Variants in TET3 observed in about 807,000 individuals in gnomAD.
TET3 encodes tet methylcytosine dioxygenase 3.
A neutral mutation model predicts 141.4 loss-of-function variants in TET3; 19 were observed. That is an observed-to-expected ratio of 0.13 (90% CI 0.09 to 0.20). The LOEUF is 0.20. Among genes scored for constraint, TET3 ranks in the 10% least tolerant of loss-of-function variants. The probability of loss-of-function intolerance (pLI) is 1.00; values close to 1 mark genes in which losing one functional copy is unlikely to be tolerated. For missense variants in TET3, 1,874 were observed against 2,356.9 expected, an observed-to-expected ratio of 0.80 and a Z score of 4.24; for synonymous variants, 1,043 against 980.9, an observed-to-expected ratio of 1.06 and a Z score of -1.18.
the TET3 span, among the ~76,000 whole-genome samples, chr2:74,126,735 C>T: frequency 2.6e-5 from 4 of 152,042 alleles, no homozygotes; most frequent in African/African-American, 9.7e-5. Context: ...AATCTCCTGA[C>T]CTCATGATCC....
chr2:74,090,859 G>T (rs1403250757), intron 8 of TET3, among the ~76,000 whole-genome samples: 5 of 152,204 alleles, frequency 3.3e-5, no homozygotes, highest in African/African-American at 1.2e-4. Context: ...TTCTGCCTGG[G>T]CTCCTGAGCG....
chr2:74,114,612 G>A, the TET3 span, among the ~76,000 whole-genome samples: 4 of 151,946 alleles, frequency 2.6e-5, no homozygotes, highest in African/African-American at 7.3e-5. Context: ...AGCACTCTGG[G>A]AGACCGAGGC....
At chr2:74,043,218 A>T (rs1434897891) in intron 3 of TET3, among the ~76,000 whole-genome samples, 1 of 152,210 alleles carries the variant, frequency 6.6e-6, no homozygotes, top group Non-Finnish European at 1.5e-5. Context: ...CTTGTTAGCC[A>T]CATTAGTTTA....
chr2:74,068,851 T>G (rs1418909367), intron 4 of TET3, among the ~76,000 whole-genome samples: 2 of 152,238 alleles, frequency 1.3e-5, no homozygotes, highest in Non-Finnish European at 1.5e-5. Context: ...GTATCTTTTT[T>G]TCATTTTCCT....
the TET3 span, among the ~76,000 whole-genome samples, chr2:74,117,781 T>G: frequency 6.6e-6 from 1 of 152,194 alleles, no homozygotes; most frequent in African/African-American, 2.4e-5. Context: ...AGTCATGCCC[T>G]GTCGCCCAGG....
intron 11 of TET3, among the ~76,000 whole-genome samples, 163 bp downstream of exon 11, chr2:74,099,775 C>T (rs9309479): frequency 0.55 from 83,772 of 152,048 alleles, 26,319 homozygotes; most frequent in African/African-American, 0.86. Flanking sequence ...GATAGGAGGC[C>T]GTGGGGATGC....
chr2:74,088,879 G>A (rs1248041237), intron 7 of TET3, among the ~76,000 whole-genome samples: 1 of 152,000 alleles, frequency 6.6e-6, no homozygotes, highest in African/African-American at 2.4e-5. Flanking sequence ...CCAGGAATTC[G>A]AGACGAGCCT....
Position 74,047,600 on chromosome 2 carries a change from C to T in TET3, c.1683C>T (p.Pro561=), listed in dbSNP as rs762840781. The part of the protein sequence containing the change: ...PSEPSAPGWW[P]PPSSPVPRLP... ...AGCCTTCTGCTCCTGGCTGGTGGCC[C>T]CCACCAAGTTCACCTGTCCCACGGC... The change falls in exon 4 of 12, where the codon CCC becomes CCT. Residue 561 remains proline, a synonymous_variant. Coordinates refer to ENST00000409262, the MANE Select transcript of TET3 (RefSeq NM_001287491.2). The T allele has an allele frequency of 1.9e-6, 3 of 1,613,726 alleles. No individual in the cohort carries two copies. The highest frequency in any genetic ancestry group is 2.2e-5 in the East Asian group (1 of 44,892).
Position 74,087,788 on chromosome 2 carries a change from C to T in TET3, c.2680-42C>T, listed in dbSNP as rs374315531. Reference sequence around the variant, plus strand: ...AGGGGTGGCACCATGCAGAGGAGCACGGGTACCTGGCTCCTGCCCCTCACA... The same window carrying T: ...AGGGGTGGCACCATGCAGAGGAGCATGGGTACCTGGCTCCTGCCCCTCACA... On this transcript the variant is annotated intron_variant, in intron 6 of 11. Coordinates refer to ENST00000409262, the MANE Select transcript of TET3 (RefSeq NM_001287491.2). The surrounding 1 kb of genome is among the most constrained non-coding windows in gnomAD (Gnocchi z 4.3). The T allele has an allele frequency of 3.2e-5, 48 of 1,509,038 alleles. No homozygotes were observed. The highest frequency in any genetic ancestry group is 1.9e-4 in the Middle Eastern group (1 of 5,140). The allele number at this position is 1,509,038 out of a possible 1,614,324, so 93.5% of individuals were successfully genotyped here.
At chr2:74,079,698 A>G (rs1012855212) in intron 5 of TET3, among the ~76,000 whole-genome samples, 2 of 152,152 alleles carry the variant, frequency 1.3e-5, no homozygotes, top group African/African-American at 4.8e-5. Flanking sequence ...GAAGTTTAGT[A>G]ATTTGGCCAC....
In TET3 at chr2:74,093,758, G is replaced by GA. The variant is rs1449180254; in HGVS notation, c.3267+93dup. ...TTCAGAAAGGCAGGCTGAGGGTAGGGAGGGACCTGGAGACAGGATCCTCAG... is the reference window on the plus strand; with the variant it reads ...TTCAGAAAGGCAGGCTGAGGGTAGGGAAGGGACCTGGAGACAGGATCCTCAG... On this transcript the variant is annotated intron_variant, in intron 10 of 11. Transcript: ENST00000409262. This position sits in a 1 kb window ranked among gnomAD's most constrained non-coding sequence, Gnocchi z 4.2. 1.4e-6 allele frequency: 2 copies of GA among 1,406,706 alleles called. No individual in the cohort carries two copies. The highest frequency in any genetic ancestry group is 2.5e-5 in the East Asian group (1 of 39,232). The allele number at this position is 1,406,706 out of a possible 1,614,324, so 87.1% of individuals were successfully genotyped here.
intron 3 of TET3, among the ~76,000 whole-genome samples, chr2:74,004,604 C>T (rs1052169472): frequency 9.9e-5 from 15 of 152,136 alleles, no homozygotes; most frequent in African/African-American, 3.4e-4. Flanking sequence ...TCGGCTTCCC[C>T]GTCTAGCGGG....
intron 5 of TET3, among the ~76,000 whole-genome samples, chr2:74,076,546 C>T (rs1689525347): frequency 6.9e-6 from 1 of 145,946 alleles, no homozygotes; most frequent in Admixed American, 7.1e-5. Context: ...CAAGATATTC[C>T]AGGCTTGTCT....
In TET3 at chr2:74,106,367, T is replaced by C. The variant is rs1157196056; in HGVS notation, c.*4191T>C. On this transcript the variant is annotated 3_prime_UTR_variant, in exon 12 of 12. Coordinates refer to ENST00000409262, the MANE Select transcript of TET3 (RefSeq NM_001287491.2). The stretch of plus-strand genomic sequence containing the variant: ...TTGTTTTTGAGGAAGGGGAGTTGGG[T>C]ACTTCTGCCTCTCCTAGCATGATAG... 6.5e-6 allele frequency: 1 copy of C among 153,566 alleles called. No homozygotes were observed. Among genetic ancestry groups the C allele is most frequent in the Non-Finnish European group, 1.5e-5 (1 of 68,064 alleles). 9.5% of individuals were successfully genotyped at this position (153,566 alleles called of 1,614,324 possible).
intron 2 of TET3, among the ~76,000 whole-genome samples, chr2:74,001,248 C>A (rs548098347): frequency 1.3e-5 from 2 of 152,176 alleles, no homozygotes; most frequent in African/African-American, 4.8e-5. Flanking sequence ...CTGAGTACCC[C>A]CTTTGGGCCC....
chr2:74,135,459 A>G, the TET3 span: 1 of 1,301,300 alleles, frequency 7.7e-7, no homozygotes, highest in Admixed American at 1.7e-5. Context: ...TAGATTATAC[A>G]TCTTCTATAA....
intron 6 of TET3, among the ~76,000 whole-genome samples, chr2:74,081,303 G>A (rs933190925): frequency 6.6e-6 from 1 of 152,350 alleles, no homozygotes; most frequent in South Asian, 2.1e-4. Flanking sequence ...TGCTGAGGAG[G>A]AGCAGCCAGG....
At position 74,046,743 on chromosome 2, in the gene TET3, G is replaced by A; in HGVS notation, c.826G>A (p.Gly276Ser). ...GMKPPNCNCDGPECPDYLEWL... is the reference protein window; with the variant it reads ...GMKPPNCNCDSPECPDYLEWL... The stretch of plus-strand genomic sequence containing the variant: ...GAAACCACCCAACTGCAACTGCGAT[G>A]GCCCAGAATGCCCTGACTACCTCGA... The change falls in exon 4 of 12, where the codon GGC (glycine) becomes AGC (serine). Residue 276 changes from glycine to serine, a missense_variant. Physicochemically the swap from Gly to Ser is moderately conservative, Grantham distance 56. Around this residue, in one of 10 missense-constraint regions of TET3, gnomAD observed 366 missense variants for 487.0 expected, o/e 0.75. Transcript: ENST00000409262. This position sits in a 1 kb window ranked among gnomAD's most constrained non-coding sequence, Gnocchi z 4.3. The A allele has an allele frequency of 6.2e-7, 1 of 1,613,900 alleles. No homozygotes were observed. The highest frequency in any genetic ancestry group is 8.5e-7 in the Non-Finnish European group (1 of 1,179,892).
downstream of TET3, among the ~76,000 whole-genome samples, chr2:74,111,778 G>A (rs1349671822): frequency 6.6e-6 from 1 of 152,170 alleles, no homozygotes; most frequent in Non-Finnish European, 1.5e-5. Context: ...ATCAACCCAG[G>A]TGTATTTGGT....
Sources: gnomAD v4.1 joint callset for allele counts (sites outside exome capture counted in the v4.1 genomes callset) on GRCh38, gnomAD v4.1.1 for gene constraint, gnomAD v4.1.1 regional missense constraint, Gnocchi (gnomAD v3.1) non-coding constraint, MANE v1.5 for transcripts, NCBI Gene and HGNC (gene_info 2026-07-23, HGNC 2026-07-21) for gene names.